Variants in GUCD1 observed in about 807,000 individuals in gnomAD.
The protein encoded by GUCD1 is guanylyl cyclase domain containing 1, also known as protein GUCD1.
Under a neutral mutation model 28.3 loss-of-function variants are expected in GUCD1, and 17 were observed. That is an observed-to-expected ratio of 0.60 (90% CI 0.41 to 0.90). The LOEUF (loss-of-function observed/expected upper bound fraction) is 0.90, where lower values mean the gene tolerates loss of function less well. Ranked by LOEUF, GUCD1 falls within the 40% of genes least tolerant of loss-of-function variation. GUCD1 has a pLI of 0.00. For synonymous variants in GUCD1, 129 were observed against 123.3 expected, an observed-to-expected ratio of 1.05 and a Z score of -0.30; for missense variants, 279 against 305.5, an observed-to-expected ratio of 0.91 and a Z score of 0.65.
intron 5 of GUCD1, among the ~76,000 whole-genome samples, chr22:24,543,526 G>T (rs753686043): frequency 6.6e-5 from 10 of 152,214 alleles, no homozygotes; most frequent in Non-Finnish European, 1.2e-4. Context: ...GGCCATCCTG[G>T]TGGTTGGGGG....
In GUCD1 at chr22:24,546,486, G is replaced by A. The variant is rs2044731951; in HGVS notation, c.386+428C>T. ...CAGCCCCAATGCATACAGATGAGAAGAGGAGGCCCTTGTAAGGTCACAGCA... is the reference window on the plus strand; with the variant it reads ...CAGCCCCAATGCATACAGATGAGAAAAGGAGGCCCTTGTAAGGTCACAGCA... On this transcript the variant is annotated intron_variant, in intron 4 of 5. Transcript: ENST00000435822. Among the ~76,000 whole-genome samples the A allele has an allele frequency of 2.0e-5, 3 of 152,102 alleles. No homozygotes were observed. The South Asian group carries it at 6.2e-4, about 32-fold the overall frequency.
intron 5 of GUCD1, 23 bp from the exon 6 acceptor site, chr22:24,543,120 A>G: frequency 6.3e-7 from 1 of 1,587,376 alleles, no homozygotes. Flanking sequence ...GGGAAGGCAG[A>G]ACGGGGTCAG....
rs746702401 is a variant in GUCD1 at position 24,543,067 on chromosome 22, T to A, written c.659A>T (p.Glu220Val). The change falls in exon 6 of 6, where the codon GAG (glutamate) becomes GTG (valine). Residue 220 changes from glutamate (E) to valine (V), a missense_variant. By Grantham distance (121) the Glu-to-Val change is moderately radical. Transcript: ENST00000435822. ...TGTGCCATAGCTGGTTCTGGCCTCC[T>A]CAAAGTTACTGATGCTGGTGCTGCA... ...RMCSTSISNF[E>V]EARTSYGTDE... The A allele has an allele frequency of 6.2e-7, 1 of 1,613,990 alleles. No individual in the cohort carries two copies. The highest frequency in any genetic ancestry group is 1.1e-5 in the South Asian group (1 of 91,074).
intron 4 of GUCD1, among the ~76,000 whole-genome samples, chr22:24,544,792 G>A (rs114847136): frequency 0.013 from 1,962 of 152,224 alleles, 9 homozygotes; most frequent in Middle Eastern, 0.017. Flanking sequence ...CGGAAGGATC[G>A]CTTGAGACTA....
chr22:24,555,034 G>C lies in GUCD1; in HGVS notation c.-43C>G. The C allele has an allele frequency of 7.1e-7, 1 of 1,407,424 alleles. No homozygotes were observed. Among genetic ancestry groups the C allele is most frequent in the South Asian group, 1.6e-5 (1 of 61,838 alleles). The allele number at this position is 1,407,424 out of a possible 1,614,324, so 87.2% of individuals were successfully genotyped here. ...GCGCCCATGGCCCCGGCCCAGAGCG[G>C]GCTACAGCTTCCGCTTCGGCTGGGG... is the stretch of plus-strand genomic sequence containing the variant. On this transcript the variant is annotated 5_prime_UTR_variant, in exon 1 of 6. Coordinates refer to ENST00000435822, the MANE Select transcript of GUCD1 (RefSeq NM_001284254.2).
chr22:24,545,192 C>A (rs1042892026), intron 4 of GUCD1, among the ~76,000 whole-genome samples: 26 of 152,160 alleles, frequency 1.7e-4, no homozygotes, highest in African/African-American at 6.3e-4. Flanking sequence ...TGTGGCCTGA[C>A]CCAGCTTCAG....
rs371487432 is a variant in GUCD1 at position 24,548,979 on chromosome 22, C to T, written c.66G>A (p.Val22=). Residue 22 remains valine, a synonymous_variant, in exon 2 of 6, where the codon GTG becomes GTA. Coordinates refer to ENST00000435822, the MANE Select transcript of GUCD1 (RefSeq NM_001284254.2). ...AGTGGTAGAGCTGCTGGATGACGGG[C>T]ACAGGCAGTTGCACAAAGTCCCCTG... ...LEPGDFVQLP[V]PVIQQLYHWD... 3.2e-6 allele frequency: 5 copies of T among 1,583,304 alleles called. No homozygotes were observed. In the African/African-American group the frequency reaches 6.7e-5, roughly 21 times the overall value.
At position 24,546,916 on chromosome 22, in the gene GUCD1, T is replaced by C. The variant is rs368622193; in HGVS notation, c.384A>G (p.Lys128=). ...QAKACKVLVE[K]CTVSVKDIQA... The stretch of plus-strand genomic sequence containing the variant: ...GGTAGGAAAGTTGGGGGGCTCACCA[T>C]TTCTCCACCAGCACCTTGCAGGCCT... The change falls in exon 4 of 6, where the codon AAA becomes AAG. Residue 128 remains lysine (K), a splice_region_variant and synonymous_variant. Transcript: ENST00000435822. 6.9e-5 allele frequency: 112 copies of C among 1,613,566 alleles called. 1 individual carries two copies. The Middle Eastern group carries it at 3.2e-3, about 46-fold the overall frequency.
At chr22:24,545,413 A>G (rs1354216148) in intron 4 of GUCD1, among the ~76,000 whole-genome samples, 1 of 151,992 alleles carries the variant, frequency 6.6e-6, no homozygotes, top group East Asian at 1.9e-4. Flanking sequence ...AGATCATGGC[A>G]TGGCCAAGAT....
intron 1 of GUCD1, among the ~76,000 whole-genome samples, chr22:24,553,609 CCTCCTTA>C (rs1338230438): frequency 2.0e-5 from 3 of 152,256 alleles, no homozygotes; most frequent in Admixed American, 6.5e-5. Context: ...TGTGAGGCTC[CCTCCTTA>C]CTCTGTGGCT....
At chr22:24,548,860 C>T (rs2044796639) in intron 2 of GUCD1, 57 bp downstream of exon 2, 1 of 1,360,670 alleles carries the variant, frequency 7.3e-7, no homozygotes, top group East Asian at 2.5e-5. Context: ...CTCTCCCAAG[C>T]CAGAGCAGAA....
chr22:24,555,720 T>A (rs1211279796), upstream of GUCD1: 2 of 1,550,676 alleles, frequency 1.3e-6, no homozygotes, highest in Admixed American at 2.0e-5. Flanking sequence ...CGTCTCCGCC[T>A]TGCCGTCCAG....
Position 24,542,949 on chromosome 22 carries a change from G to C in GUCD1, c.*57C>G. Reference sequence around the variant, plus strand: ...AAGCCTGGGCCAGGGCATCCTGAGCGGGCCCGGCTGGGGTGGGGATGGGGT... The same window carrying C: ...AAGCCTGGGCCAGGGCATCCTGAGCCGGCCCGGCTGGGGTGGGGATGGGGT... On this transcript the variant is annotated 3_prime_UTR_variant, in exon 6 of 6. Coordinates refer to ENST00000435822, the MANE Select transcript of GUCD1 (RefSeq NM_001284254.2). 7.8e-7 allele frequency: 1 copy of C among 1,280,952 alleles called. No individual in the cohort carries two copies. 79.3% of individuals were successfully genotyped at this position (1,280,952 alleles called of 1,614,324 possible). A position where few individuals can be genotyped will look rare whatever the true frequency, so the allele number is the denominator to read the frequency against.
At chr22:24,555,143 C>A (rs1183352601), upstream of GUCD1, 5 of 1,303,702 alleles carry the variant, frequency 3.8e-6, no homozygotes, top group Admixed American at 4.1e-5. Context: ...GCGGCTGGGC[C>A]GCCCCAAGCG....
rs1017139553 is a variant in GUCD1 at position 24,542,826 on chromosome 22, G to C, written c.*180C>G. 3 of 573,220 alleles carry C rather than the reference G, an allele frequency of 5.2e-6. No individual in the cohort carries two copies. Among genetic ancestry groups the C allele is most frequent in the Admixed American group, 2.9e-5 (1 of 34,324 alleles). The allele number at this position is 573,220 out of a possible 1,614,324, so 35.5% of individuals were successfully genotyped here. ...TGGGGTGAGTGACATGACAACACAC[G>C]GCACTGGCAGACAAAGCAGCTGTGC... On this transcript the variant is annotated 3_prime_UTR_variant, in exon 6 of 6. Coordinates refer to ENST00000435822, the MANE Select transcript of GUCD1 (RefSeq NM_001284254.2).
In GUCD1 at chr22:24,543,031, A is replaced by T. The variant is rs749592801; in HGVS notation, c.695T>A (p.Ile232Asn). ...ARTSYGTDED[I>N]LFVYLDS ...TCAGCTGTCCAAGTAGACAAAGAGG[A>T]TGTCCTCATCTGTGCCATAGCTGGT... Residue 232 changes from isoleucine to asparagine, a missense_variant, in exon 6 of 6, where the codon ATC becomes AAC. By Grantham distance (149) the Ile-to-Asn change is moderately radical. Coordinates refer to ENST00000435822, the MANE Select transcript of GUCD1 (RefSeq NM_001284254.2). The T allele has an allele frequency of 6.2e-7, 1 of 1,613,704 alleles. No homozygotes were observed. Among genetic ancestry groups the T allele is most frequent in the South Asian group, 1.1e-5 (1 of 91,074 alleles).
At position 24,540,952 on chromosome 22, in the gene GUCD1, C is replaced by T. The variant is rs151048864; in HGVS notation, c.*2054G>A. On this transcript the variant is annotated 3_prime_UTR_variant, in exon 6 of 6. Transcript: ENST00000435822. ...ACTGTCTAAATCACATCCCACCATC[C>T]TGAAAACTTCATTTCCTCCCACTGG... is the stretch of plus-strand genomic sequence containing the variant. 118 of 169,598 alleles carry T rather than the reference C, an allele frequency of 7.0e-4. No individual in the cohort carries two copies. Among genetic ancestry groups the T allele is most frequent in the African/African-American group, 2.7e-3 (113 of 41,658 alleles). The allele number at this position is 169,598 out of a possible 1,614,324, so 10.5% of individuals were successfully genotyped here. A position where few individuals can be genotyped will look rare whatever the true frequency, so the allele number is the denominator to read the frequency against.
Position 24,543,976 on chromosome 22 carries a change from T to C in GUCD1, c.494A>G (p.Lys165Arg), listed in dbSNP as rs375270847. 2.4e-5 allele frequency: 39 copies of C among 1,613,866 alleles called. No homozygotes were observed. Among genetic ancestry groups the C allele is most frequent in the South Asian group, 6.6e-5 (6 of 91,068 alleles). The change falls in exon 5 of 6, where the codon AAG becomes AGG. Residue 165 changes from lysine to arginine, a missense_variant. Lys to Arg is a conservative substitution (Grantham distance 26). Transcript: ENST00000435822. ...LHCDLCSSPV[K>R]YCCFTPSGHH... ...GCCACTGGGGGTGAAGCAGCAGTAC[T>C]TGACAGGGCTGGAGCACAGGTCACA...
chr22:24,547,813 A>G, intron 3 of GUCD1, 95 bp downstream of exon 3: 3 of 1,331,864 alleles, frequency 2.3e-6, no homozygotes, highest in South Asian at 1.3e-5. Context: ...CTGGGTGTCT[A>G]GCCCTTGACT....
Sources: gnomAD v4.1 joint callset for allele counts (sites outside exome capture counted in the v4.1 genomes callset) on GRCh38, gnomAD v4.1.1 for gene constraint, MANE v1.5 for transcripts, NCBI Gene and HGNC (gene_info 2026-07-23, HGNC 2026-07-21) for gene names.